The following CHSY3 variants were observed in gnomAD, a reference collection of about 807,000 sequenced individuals.
CHSY3 encodes the protein chondroitin sulfate synthase 3.
A neutral mutation model predicts 67.2 loss-of-function variants in CHSY3; 35 were observed. That is an observed-to-expected ratio of 0.52 (90% CI 0.40 to 0.69). CHSY3 has a LOEUF of 0.69. Among genes scored for constraint, CHSY3 ranks in the 30% least tolerant of loss-of-function variants. The pLI, the probability that CHSY3 is intolerant of heterozygous loss-of-function variation, is 0.00. For missense variants in CHSY3, 1,069 were observed against 1,138.5 expected, an observed-to-expected ratio of 0.94 and a Z score of 0.88; for synonymous variants, 474 against 434.7, an observed-to-expected ratio of 1.09 and a Z score of -1.12.
intron 2 of CHSY3, among the ~76,000 whole-genome samples, chr5:129,959,121 A>T (rs1210355939): frequency 6.6e-6 from 1 of 152,060 alleles, no homozygotes; most frequent in Non-Finnish European, 1.5e-5. Flanking sequence ...CCTTCTCATG[A>T]TAATTAACGT....
At chr5:129,999,124 C>CTTTT (rs376975711) in intron 2 of CHSY3, among the ~76,000 whole-genome samples, 2,264 of 141,676 alleles carry the variant, frequency 0.016, 44 homozygotes, top group African/African-American at 0.051. Context: ...TCCCCCCTCC[C>CTTTT]TTTTTTTTTT....
Position 130,064,720 on chromosome 5 carries a change from A to G in CHSY3, c.1087-119509A>G, listed in dbSNP as rs970004279. On this transcript the variant is annotated intron_variant, in intron 2 of 2. Coordinates refer to ENST00000305031, the MANE Select transcript of CHSY3 (RefSeq NM_175856.5). ...TCTCAAGAGCAAGGGCTGCTCCCAGAATTCTTCCAAGTGATTTGCAGGGTC... is the reference window on the plus strand; with the variant it reads ...TCTCAAGAGCAAGGGCTGCTCCCAGGATTCTTCCAAGTGATTTGCAGGGTC... Among the ~76,000 whole-genome samples the G allele has an allele frequency of 2.6e-5, 4 of 152,178 alleles. No homozygotes were observed. In the East Asian group the frequency reaches 5.8e-4, roughly 22 times the overall value.
intron 2 of CHSY3, among the ~76,000 whole-genome samples, chr5:130,067,180 G>A (rs1765910093): frequency 6.6e-6 from 1 of 152,090 alleles, no homozygotes; most frequent in Non-Finnish European, 1.5e-5. Flanking sequence ...CAGTGAAATA[G>A]CTCTCTTCCT....
At chr5:129,995,806 T>G (rs1377156197) in intron 2 of CHSY3, among the ~76,000 whole-genome samples, 1 of 152,070 alleles carries the variant, frequency 6.6e-6, no homozygotes, top group East Asian at 1.9e-4. Context: ...TTAAGATTAT[T>G]CTTTCCTTAC....
chr5:130,117,665 C>T (rs1767858347), intron 2 of CHSY3, among the ~76,000 whole-genome samples: 1 of 151,924 alleles, frequency 6.6e-6, no homozygotes, highest in Non-Finnish European at 1.5e-5. Flanking sequence ...GTTAATTTTT[C>T]TAAAATTTCT....
chr5:130,004,617 C>T (rs1763820925), intron 2 of CHSY3, among the ~76,000 whole-genome samples: 1 of 152,090 alleles, frequency 6.6e-6, no homozygotes, highest in African/African-American at 2.4e-5. Flanking sequence ...ATTAGGATAG[C>T]CCAAATTAAT....
At chr5:130,136,029 G>C (rs4836493) in intron 2 of CHSY3, among the ~76,000 whole-genome samples, 1 of 152,098 alleles carries the variant, frequency 6.6e-6, no homozygotes. Context: ...CCTTGTGTTC[G>C]TTAAAGCTGT....
At chr5:129,934,384 CT>C (rs943983454) in intron 2 of CHSY3, among the ~76,000 whole-genome samples, 6 of 151,102 alleles carry the variant, frequency 4.0e-5, no homozygotes, top group South Asian at 2.1e-4. Context: ...ATTTAAAGTG[CT>C]TTTTTTTTAA....
rs12520897 is a variant in CHSY3, at chr5:130,186,579, C to T, written c.*788C>T. The T allele has an allele frequency of 2.0e-5, 3 of 152,690 alleles. No individual in the cohort carries two copies. The highest frequency in any genetic ancestry group is 4.4e-5 in the Non-Finnish European group (3 of 68,004). 9.5% of individuals were successfully genotyped at this position (152,690 alleles called of 1,614,324 possible). A position where few individuals can be genotyped will look rare whatever the true frequency, so the allele number is the denominator to read the frequency against. Reference sequence around the variant, plus strand: ...GGCAAGAAGATAAAATATGACAGAACCTGTTTATTTAAAATAAAACACAGG... The same window carrying T: ...GGCAAGAAGATAAAATATGACAGAATCTGTTTATTTAAAATAAAACACAGG... On this transcript the variant is annotated 3_prime_UTR_variant, in exon 3 of 3. Transcript: ENST00000305031.
At chr5:130,081,238 C>A (rs903337287) in intron 2 of CHSY3, among the ~76,000 whole-genome samples, 15 of 150,476 alleles carry the variant, frequency 1.0e-4, no homozygotes, top group Non-Finnish European at 1.8e-4. Flanking sequence ...GGACTTCAGT[C>A]AGATAAAGGG....
intron 2 of CHSY3, among the ~76,000 whole-genome samples, chr5:130,168,429 A>G (rs1769809553): frequency 6.6e-6 from 1 of 152,048 alleles, no homozygotes; most frequent in African/African-American, 2.4e-5. Flanking sequence ...GAGATGGAGG[A>G]CTCCCATCAG....
chr5:130,121,649 G>C (rs932102313), intron 2 of CHSY3, among the ~76,000 whole-genome samples: 1 of 151,984 alleles, frequency 6.6e-6, no homozygotes, highest in Non-Finnish European at 1.5e-5. Context: ...GTAATTTAGG[G>C]CAGCAATATT....
At chr5:129,941,855 C>G (rs760880606) in intron 2 of CHSY3, among the ~76,000 whole-genome samples, 28 of 152,108 alleles carry the variant, frequency 1.8e-4, no homozygotes, top group Non-Finnish European at 2.8e-4. Context: ...AACTTCTGAC[C>G]AACTGGCTTC....
intron 2 of CHSY3, among the ~76,000 whole-genome samples, chr5:130,102,335 A>T (rs890932344): frequency 6.6e-6 from 1 of 152,082 alleles, no homozygotes; most frequent in Non-Finnish European, 1.5e-5. Flanking sequence ...GATTTGCTGC[A>T]TTAATTATGT....
intron 2 of CHSY3, among the ~76,000 whole-genome samples, chr5:130,045,239 TAC>T (rs556686683): frequency 1.1e-3 from 172 of 152,210 alleles, no homozygotes; most frequent in African/African-American, 3.9e-3. Flanking sequence ...GGACCTGAGG[TAC>T]ACAGAGTGTA....
chr5:129,939,744 A>G (rs983902812), intron 2 of CHSY3, among the ~76,000 whole-genome samples: 1 of 152,216 alleles, frequency 6.6e-6, no homozygotes, highest in African/African-American at 2.4e-5. Flanking sequence ...GGCTGAAAAT[A>G]AACGTGCTCA....
At chr5:130,116,652 G>A (rs1443069905) in intron 2 of CHSY3, among the ~76,000 whole-genome samples, 1 of 152,120 alleles carries the variant, frequency 6.6e-6, no homozygotes, top group Admixed American at 6.5e-5. Context: ...CTCCTGAAAT[G>A]GAGAGTTCAC....
chr5:130,086,894 G>A (rs1355136441), intron 2 of CHSY3, among the ~76,000 whole-genome samples: 1 of 152,008 alleles, frequency 6.6e-6, no homozygotes, highest in Non-Finnish European at 1.5e-5. Context: ...TGATACCAAA[G>A]CCTGGCAGAG....
At position 130,000,591 on chromosome 5, in the gene CHSY3, AC is replaced by A. The variant is rs1390929161; in HGVS notation, c.1086+92232del. Among the ~76,000 whole-genome samples the A allele has an allele frequency of 1.4e-3, 168 of 124,122 alleles. 1 individual carries two copies. Among genetic ancestry groups the A allele is most frequent in the Non-Finnish European group, 1.1e-3 (63 of 57,994 alleles). 81.4% of individuals were successfully genotyped at this position (124,122 alleles called of 152,430 possible). On this transcript the variant is annotated intron_variant, in intron 2 of 2. Transcript: ENST00000305031. Reference sequence around the variant, plus strand: ...GGTATATTGTTGCCTTCTTTCACCCACTTTTTTTTTTTTTTCTGTCACCCAG... The same window carrying A: ...GGTATATTGTTGCCTTCTTTCACCCATTTTTTTTTTTTTTCTGTCACCCAG...
Sources: allele counts gnomAD v4.1 joint callset (sites outside exome capture counted in the v4.1 genomes callset), GRCh38; gene constraint gnomAD v4.1.1; transcripts MANE v1.5; gene names NCBI Gene and HGNC (gene_info 2026-07-23, HGNC 2026-07-21).